The following SYTL3 variants were observed in gnomAD, a reference collection of about 807,000 sequenced individuals.
SYTL3 encodes synaptotagmin-like protein 3.
A neutral mutation model predicts 82.1 loss-of-function variants in SYTL3; 88 were observed. The observed-to-expected ratio is 1.07, with a 90% confidence interval of 0.90 to 1.28. The LOEUF is 1.28. Ranked by LOEUF, SYTL3 falls within the 50% of genes most tolerant of loss-of-function variation. The pLI, the probability that SYTL3 is intolerant of heterozygous loss-of-function variation, is 0.00. For missense variants in SYTL3, 831 were observed against 757.6 expected (o/e 1.10, Z -1.14); for synonymous variants, 311 against 289.4 (o/e 1.07, Z -0.76).
At chr6:158,660,925 C>T (rs748746807) in intron 2 of SYTL3, among the ~76,000 whole-genome samples, 9 of 152,044 alleles carry the variant, frequency 5.9e-5, no homozygotes, top group Non-Finnish European at 1.3e-4. Flanking sequence ...CATGGTAGCC[C>T]GCACCTGTAG....
intron 13 of SYTL3, among the ~76,000 whole-genome samples, chr6:158,752,770 G>C (rs1307174744): frequency 1.3e-5 from 2 of 152,212 alleles, no homozygotes; most frequent in African/African-American, 4.8e-5. Flanking sequence ...ACAGGAGAGG[G>C]CTTTGTTTGC....
chr6:158,680,104 T>C (rs1778493783), intron 5 of SYTL3, among the ~76,000 whole-genome samples: 1 of 152,130 alleles, frequency 6.6e-6, no homozygotes, highest in African/African-American at 2.4e-5. Context: ...TTCTGTCCCC[T>C]CCTCTAAGGA....
Position 158,763,786 on chromosome 6 carries a change from G to A in SYTL3, c.1723+277G>A, listed in dbSNP as rs540152028. Among the ~76,000 whole-genome samples, 11 of 152,320 alleles carry A rather than the reference G, an allele frequency of 7.2e-5. No individual in the cohort carries two copies. In the South Asian group the frequency reaches 1.0e-3, roughly 14 times the overall value. On this transcript the variant is annotated intron_variant, in intron 17 of 17. Transcript: ENST00000611299. ...TACAGTATTTGCTTTTGTTTCTGGCGTCAATCATAAAAGGATTATTTTCTT... is the reference window on the plus strand; with the variant it reads ...TACAGTATTTGCTTTTGTTTCTGGCATCAATCATAAAAGGATTATTTTCTT...
chr6:158,760,881 C>A, intron 15 of SYTL3, 136 bp downstream of exon 15: 1 of 695,494 alleles, frequency 1.4e-6, no homozygotes, highest in Non-Finnish European at 2.5e-6. Context: ...AGCAGCTCTT[C>A]TTTCTGAGCC....
chr6:158,708,507 CTG>C (rs2128456649), intron 8 of SYTL3, 116 bp downstream of exon 8: 2 of 1,009,606 alleles, frequency 2.0e-6, no homozygotes, highest in East Asian at 4.9e-5. Flanking sequence ...AGGGATCTGA[CTG>C]TGCCTGGAGC....
chr6:158,742,162 A>G (rs1031179725), intron 11 of SYTL3, among the ~76,000 whole-genome samples: 1 of 152,220 alleles, frequency 6.6e-6, no homozygotes, highest in African/African-American at 2.4e-5. Flanking sequence ...TAAACAGCAA[A>G]TAATCCATTA....
chr6:158,749,507 CTTTTTTTTTT>C (rs765386344), intron 12 of SYTL3, among the ~76,000 whole-genome samples: 6 of 66,028 alleles, frequency 9.1e-5, no homozygotes, highest in Non-Finnish European at 1.4e-4. Flanking sequence ...TTCTTTCTCT[CTTTTTTTTTT>C]TTTTTTTTTT....
intron 11 of SYTL3, among the ~76,000 whole-genome samples, chr6:158,733,106 A>T (rs1373379045): frequency 6.6e-6 from 1 of 152,164 alleles, no homozygotes; most frequent in African/African-American, 2.4e-5. Context: ...GCTTTGTGCT[A>T]ATAACTCTTT....
intron 2 of SYTL3, among the ~76,000 whole-genome samples, chr6:158,658,534 A>T (rs778673661): frequency 1.3e-5 from 2 of 152,180 alleles, no homozygotes; most frequent in Non-Finnish European, 2.9e-5. Context: ...TTTCTGGTCA[A>T]TCTTGATGCT....
chr6:158,745,965 A>T (rs905295757), intron 12 of SYTL3, among the ~76,000 whole-genome samples: 2 of 152,152 alleles, frequency 1.3e-5, no homozygotes, highest in African/African-American at 4.8e-5. Flanking sequence ...CAGGTGGCTT[A>T]TAAACAAGAC....
chr6:158,682,792 A>T, intron 5 of SYTL3, 133 bp from the exon 6 acceptor site: 1 of 650,434 alleles, frequency 1.5e-6, no homozygotes, highest in Non-Finnish European at 2.7e-6. Context: ...TTAAGTGTTT[A>T]AGCCAGGAAA....
rs1283973622 is a variant in SYTL3 at position 158,759,329 on chromosome 6, G to A, written c.1309-1311G>A. The stretch of plus-strand genomic sequence containing the variant: ...TGGGCTCTGTTCCGCCTCGGTTTCT[G>A]GCCGCTGAGGCTGGAGGCAGCCATA... On this transcript the variant is annotated intron_variant, in intron 14 of 17. Coordinates refer to ENST00000611299, the MANE Select transcript of SYTL3 (RefSeq NM_001242394.2). Among the ~76,000 whole-genome samples the A allele has an allele frequency of 2.0e-5, 3 of 152,188 alleles. No individual in the cohort carries two copies. The East Asian group carries it at 5.8e-4, about 29-fold the overall frequency.
At chr6:158,645,550 C>T (rs753444844), upstream of SYTL3, among the ~76,000 whole-genome samples, 5 of 152,178 alleles carry the variant, frequency 3.3e-5, no homozygotes, top group Non-Finnish European at 7.3e-5. Context: ...CAAGAAAGAG[C>T]TGACTGCAAG....
intron 6 of SYTL3, among the ~76,000 whole-genome samples, chr6:158,683,893 G>C (rs1445027516): frequency 1.3e-5 from 2 of 152,174 alleles, no homozygotes; most frequent in East Asian, 3.8e-4. Context: ...TCCGTATACT[G>C]TGAATGTCTT....
intron 2 of SYTL3, among the ~76,000 whole-genome samples, chr6:158,657,449 G>A (rs1457860625): frequency 7.7e-5 from 10 of 129,458 alleles, no homozygotes; most frequent in Non-Finnish European, 6.7e-5. Context: ...AAAAAAAAGA[G>A]AGAAAAAGAA....
intron 11 of SYTL3, among the ~76,000 whole-genome samples, chr6:158,741,327 C>G (rs1399188971): frequency 6.6e-6 from 1 of 152,158 alleles, no homozygotes; most frequent in African/African-American, 2.4e-5. Flanking sequence ...CCTTGGCCTC[C>G]CAAAGTGCTG....
chr6:158,763,012 A>G (rs1159327549), intron 16 of SYTL3, among the ~76,000 whole-genome samples: 1 of 152,224 alleles, frequency 6.6e-6, no homozygotes, highest in Non-Finnish European at 1.5e-5. Flanking sequence ...GAACAGGGTT[A>G]AAAGGAGATA....
intron 10 of SYTL3, among the ~76,000 whole-genome samples, chr6:158,719,784 A>G (rs1783855558): frequency 6.6e-6 from 1 of 152,192 alleles, no homozygotes; most frequent in Non-Finnish European, 1.5e-5. Context: ...CGTGGTAGAC[A>G]TTGTTACTCC....
intron 6 of SYTL3, among the ~76,000 whole-genome samples, chr6:158,690,049 C>T (rs920107650): frequency 2.0e-5 from 3 of 152,196 alleles, no homozygotes; most frequent in Non-Finnish European, 2.9e-5. Context: ...TTTCCCATTG[C>T]GTTGTAACCC....
Sources: gnomAD v4.1 joint callset for allele counts (sites outside exome capture counted in the v4.1 genomes callset) on GRCh38, gnomAD v4.1.1 for gene constraint, MANE v1.5 for transcripts, NCBI Gene and HGNC (gene_info 2026-07-23, HGNC 2026-07-21) for gene names.